Variants in ADGRA1 observed in about 807,000 individuals in gnomAD.
ADGRA1 encodes G-protein coupled receptor 123.
Under a neutral mutation model 21.3 loss-of-function variants are expected in ADGRA1, and 12 were observed. The observed-to-expected ratio is 0.56, with a 90% CI of 0.36 to 0.91. The LOEUF is 0.91. Among genes scored for constraint, ADGRA1 ranks in the 40% least tolerant of loss-of-function variants. The probability of loss-of-function intolerance (pLI) is 0.01; values close to 1 mark genes in which losing one functional copy is unlikely to be tolerated. For missense variants in ADGRA1, 790 were observed against 805.6 expected, an observed-to-expected ratio of 0.98 and a Z score of 0.23; for synonymous variants, 385 against 368.8, an observed-to-expected ratio of 1.04 and a Z score of -0.50.
chr10:133,093,342 C>A, intron 2 of ADGRA1: 1 of 1,469,032 alleles, frequency 6.8e-7, no homozygotes, highest in Non-Finnish European at 9.1e-7. Context: ...GTCTTTAACA[C>A]CCTGACCCAC....
At chr10:133,125,085 C>T (rs1852353602) in intron 5 of ADGRA1, among the ~76,000 whole-genome samples, 1 of 152,238 alleles carries the variant, frequency 6.6e-6, no homozygotes, top group African/African-American at 2.4e-5. Context: ...TCCGTGTAGC[C>T]GCTGTAGCTC....
chr10:133,096,877 G>A, intron 2 of ADGRA1, 97 bp from the exon 3 acceptor site: 7 of 1,432,810 alleles, frequency 4.9e-6, no homozygotes, highest in African/African-American at 1.4e-5. Flanking sequence ...TGGAGCGGCT[G>A]CAGGGGAAGC....
rs1852452622 is a variant in ADGRA1 at position 133,129,089 on chromosome 10, A to G, written c.1261A>G (p.Thr421Ala). 6.4e-7 allele frequency: 1 copy of G among 1,550,658 alleles called. No individual in the cohort carries two copies. Among genetic ancestry groups the G allele is most frequent in the Non-Finnish European group, 8.7e-7 (1 of 1,145,706 alleles). The change falls in exon 7 of 7, where the codon ACT becomes GCT. Residue 421 changes from threonine to alanine, a missense_variant. Thr to Ala is a moderately conservative substitution (Grantham distance 58). Coordinates refer to ENST00000392607, the MANE Select transcript of ADGRA1 (RefSeq NM_001083909.3). ...PHLHGCLQGR[T>A]KPPYFSRHPA... ...CCTGCACGGGTGCCTTCAGGGCAGA[A>G]CTAAGCCGCCCTACTTTAGCCGGCA...
chr10:133,124,845 C>T (rs1024112086), intron 5 of ADGRA1, among the ~76,000 whole-genome samples: 5 of 152,182 alleles, frequency 3.3e-5, no homozygotes, highest in African/African-American at 1.2e-4. Flanking sequence ...GCCCCGGCCC[C>T]GGCCCCGGCC....
Position 133,103,062 on chromosome 10 carries a change from C to T in ADGRA1, c.401+220C>T, listed in dbSNP as rs1362497535. Among the ~76,000 whole-genome samples the T allele has an allele frequency of 3.8e-5, 5 of 132,230 alleles. No individual in the cohort carries two copies. The South Asian group carries it at 1.2e-3, about 32-fold the overall frequency. 86.7% of individuals were successfully genotyped at this position (132,230 alleles called of 152,430 possible). ...GAGGGGCGCCGGAGGGGAGGGGCGC[C>T]GGTCACTGGGGGTGGGGCAGAGGGG... On this transcript the variant is annotated intron_variant, in intron 5 of 6. Coordinates refer to ENST00000392607, the MANE Select transcript of ADGRA1 (RefSeq NM_001083909.3).
At chr10:133,099,959 A>G (rs113616757) in intron 4 of ADGRA1, among the ~76,000 whole-genome samples, 4 of 152,210 alleles carry the variant, frequency 2.6e-5, no homozygotes, top group Non-Finnish European at 5.9e-5. Flanking sequence ...CTGAGTGCAC[A>G]GAACCCCCCA....
In ADGRA1 at chr10:133,102,266, C is replaced by T. The variant is rs1448021137; in HGVS notation, c.256-431C>T. ...CCGTCCCCGTGGGGGGCTCATCCTA[C>T]CCACAGTAAGAGCATCCTGGCGTGA... is the stretch of plus-strand genomic sequence containing the variant. On this transcript the variant is annotated intron_variant, in intron 4 of 6. Transcript: ENST00000392607. 6.2e-6 allele frequency: 3 copies of T among 486,632 alleles called. No individual in the cohort carries two copies. In the Admixed American group the frequency reaches 6.4e-5, roughly 10 times the overall value. 30.1% of individuals were successfully genotyped at this position (486,632 alleles called of 1,614,324 possible). A position where few individuals can be genotyped will look rare whatever the true frequency, so the allele number is the denominator to read the frequency against.
chr10:133,122,445 G>A (rs558956897), intron 5 of ADGRA1, among the ~76,000 whole-genome samples: 9 of 152,254 alleles, frequency 5.9e-5, no homozygotes, highest in East Asian at 1.9e-4. Flanking sequence ...GCACGGGGCC[G>A]AGGGGCTAAT....
intron 5 of ADGRA1, among the ~76,000 whole-genome samples, chr10:133,119,231 C>T (rs60931260): frequency 0.17 from 25,818 of 148,402 alleles, 3,071 homozygotes; most frequent in African/African-American, 0.34. Context: ...GAGGTCTCCG[C>T]GGACCTTACA....
intron 2 of ADGRA1, among the ~76,000 whole-genome samples, chr10:133,090,253 G>A (rs1471610676): frequency 6.6e-6 from 1 of 152,186 alleles, no homozygotes; most frequent in Non-Finnish European, 1.5e-5. Flanking sequence ...CTCGCAGGCT[G>A]AGCCTGTTCG....
At position 133,113,298 on chromosome 10, in the gene ADGRA1, A is replaced by G. The variant is rs1027058467; in HGVS notation, c.401+10456A>G. On this transcript the variant is annotated intron_variant, in intron 5 of 6. Transcript: ENST00000392607. Reference sequence around the variant, plus strand: ...GGGCCGTGTTTCGGTTTGGAAGTCCAATGGCACCGCGGCACTTAGATTCCG... The same window carrying G: ...GGGCCGTGTTTCGGTTTGGAAGTCCGATGGCACCGCGGCACTTAGATTCCG... Among the ~76,000 whole-genome samples the G allele has an allele frequency of 2.6e-5, 4 of 151,330 alleles. No individual in the cohort carries two copies. In the Admixed American group the frequency reaches 2.7e-4, roughly 10 times the overall value.
chr10:133,096,855 C>T, intron 2 of ADGRA1, 119 bp from the exon 3 acceptor site: 2 of 1,273,768 alleles, frequency 1.6e-6, no homozygotes, highest in African/African-American at 1.5e-5. Flanking sequence ...TGAGACCCCA[C>T]ACGAAAATGC....
chr10:133,121,346 CTGTG>C (rs1163760169), intron 5 of ADGRA1, among the ~76,000 whole-genome samples: 1 of 152,242 alleles, frequency 6.6e-6, no homozygotes, highest in East Asian at 1.9e-4. Flanking sequence ...GTGTGAGTGC[CTGTG>C]TGTGTGGAAT....
intron 4 of ADGRA1, chr10:133,102,319 C>A: frequency 2.0e-6 from 1 of 510,164 alleles, no homozygotes; most frequent in East Asian, 5.5e-5. Flanking sequence ...CCTCCTCTCC[C>A]TTGGTGGACA....
At chr10:133,099,682 CG>C (rs1851756929) in intron 4 of ADGRA1, among the ~76,000 whole-genome samples, 1 of 152,198 alleles carries the variant, frequency 6.6e-6, no homozygotes, top group Non-Finnish European at 1.5e-5. Context: ...AGGACCTGCC[CG>C]GAGCCTCTGT....
intron 4 of ADGRA1, 103 bp from the exon 5 acceptor site, chr10:133,102,594 G>A (rs945983107): frequency 7.3e-5 from 99 of 1,352,776 alleles, no homozygotes; most frequent in African/African-American, 5.9e-4. Flanking sequence ...GCTGCTGGCC[G>A]CCTGCCGTTC....
intron 1 of ADGRA1, chr10:133,088,422 T>G: frequency 6.5e-6 from 1 of 154,184 alleles, no homozygotes. Flanking sequence ...CGCCTCTGGC[T>G]TTGTGCAGCC....
At chr10:133,126,831 C>T (rs970355079) in intron 5 of ADGRA1, among the ~76,000 whole-genome samples, 4 of 152,224 alleles carry the variant, frequency 2.6e-5, no homozygotes, top group Non-Finnish European at 5.9e-5. Flanking sequence ...TCACTGGCCA[C>T]GCACTACCCG....
At chr10:133,123,498 A>T (rs1852314627) in intron 5 of ADGRA1, among the ~76,000 whole-genome samples, 1 of 151,768 alleles carries the variant, frequency 6.6e-6, no homozygotes, top group Non-Finnish European at 1.5e-5. Flanking sequence ...CTCCCCAGTC[A>T]CCCCCTGTGA....
Sources: gnomAD v4.1 joint callset for allele counts (sites outside exome capture counted in the v4.1 genomes callset) on GRCh38, gnomAD v4.1.1 for gene constraint, MANE v1.5 for transcripts, NCBI Gene and HGNC (gene_info 2026-07-23, HGNC 2026-07-21) for gene names.